ADCY1: variants seen among roughly 807,000 people sequenced by gnomAD.
The protein encoded by ADCY1 is adenylate cyclase type 1.
In ADCY1, 28 loss-of-function variants were observed where a neutral mutation model predicts 105.4. That is an observed-to-expected ratio of 0.27 (90% CI 0.20 to 0.36). The LOEUF is 0.36. ADCY1 is among the 10% of genes least tolerant of loss of function. The pLI is 1.00. For synonymous variants in ADCY1, 655 were observed against 623.8 expected (o/e 1.05, Z -0.75); for missense variants, 977 against 1,434.2 (o/e 0.68, Z 5.15).
intron 12 of ADCY1, among the ~76,000 whole-genome samples, chr7:45,685,614 A>G (rs2116209198): frequency 6.9e-6 from 1 of 145,122 alleles, no homozygotes; most frequent in East Asian, 2.1e-4. Flanking sequence ...AGCTGGGTGC[A>G]TGATTAACAG....
At chr7:45,588,864 C>CGTGTGTGT (rs1315374839) in intron 1 of ADCY1, among the ~76,000 whole-genome samples, 7 of 142,404 alleles carry the variant, frequency 4.9e-5, no homozygotes, top group African/African-American at 1.8e-4. Context: ...CCCATCATTG[C>CGTGTGTGT]GTGTATGTGT....
intron 14 of ADCY1, among the ~76,000 whole-genome samples, chr7:45,691,712 C>T (rs2116226026): frequency 6.6e-6 from 1 of 152,306 alleles, no homozygotes; most frequent in South Asian, 2.1e-4. Flanking sequence ...TATTTCTCTA[C>T]CAATAAACGC....
At position 45,721,475 on chromosome 7, in the gene ADCY1, T is replaced by C; in HGVS notation, c.*7480T>C. The C allele has an allele frequency of 2.5e-6, 1 of 393,634 alleles. No homozygotes were observed. 24.4% of individuals were successfully genotyped at this position (393,634 alleles called of 1,614,324 possible). ...TGTTGCCTTATTTTTTTGTAAAGCCTCTCTGACATCAAATGGGGAGAAATG... is the reference window on the plus strand; with the variant it reads ...TGTTGCCTTATTTTTTTGTAAAGCCCCTCTGACATCAAATGGGGAGAAATG... On this transcript the variant is annotated 3_prime_UTR_variant, in exon 20 of 20. Coordinates refer to ENST00000297323, the MANE Select transcript of ADCY1 (RefSeq NM_021116.4).
chr7:45,643,968 G>A lies in ADCY1; in HGVS notation c.1021-4702G>A, dbSNP rs190178518. ...GTGTCTGCAGAGTTCTTGTGTTTCA[G>A]CTCTTCTGCGCTATCTCTGTAGCAG... On this transcript the variant is annotated intron_variant, in intron 4 of 19. Coordinates refer to ENST00000297323, the MANE Select transcript of ADCY1 (RefSeq NM_021116.4). 1.1e-3 allele frequency among the ~76,000 whole-genome samples: 172 copies of A among 152,264 alleles called. 1 individual carries two copies. In the Middle Eastern group the frequency reaches 0.017, roughly 15 times the overall value.
At chr7:45,598,697 A>G (rs1178212354) in intron 2 of ADCY1, among the ~76,000 whole-genome samples, 1 of 152,362 alleles carries the variant, frequency 6.6e-6, no homozygotes, top group East Asian at 1.9e-4. Flanking sequence ...TTGATTCAGT[A>G]ATTTACAAGC....
chr7:45,609,713 A>G (rs1039918868), intron 2 of ADCY1, among the ~76,000 whole-genome samples: 1 of 152,168 alleles, frequency 6.6e-6, no homozygotes, highest in Admixed American at 6.5e-5. Context: ...GGGTCAGGGA[A>G]CATCCAACTG....
At chr7:45,614,634 C>T (rs1793688542) in intron 3 of ADCY1, among the ~76,000 whole-genome samples, 1 of 152,130 alleles carries the variant, frequency 6.6e-6, no homozygotes, top group Non-Finnish European at 1.5e-5. Context: ...CCAAGCCTAA[C>T]TATATGCTGT....
At chr7:45,694,375 T>A (rs1784842389) in intron 14 of ADCY1, among the ~76,000 whole-genome samples, 1 of 152,178 alleles carries the variant, frequency 6.6e-6, no homozygotes, top group African/African-American at 2.4e-5. Context: ...TAGTAACTTT[T>A]GGTTCAAAGA....
At chr7:45,611,904 A>G (rs1194010021) in intron 3 of ADCY1, among the ~76,000 whole-genome samples, 1 of 152,138 alleles carries the variant, frequency 6.6e-6, no homozygotes, top group Non-Finnish European at 1.5e-5. Flanking sequence ...GAAGACACAA[A>G]AGGTCAATAG....
intron 3 of ADCY1, 23 bp from the exon 4 acceptor site, chr7:45,622,609 C>A: frequency 6.3e-7 from 1 of 1,585,256 alleles, no homozygotes; most frequent in Non-Finnish European, 8.7e-7. Flanking sequence ...AGAAGGGCAG[C>A]CTGGCACCCC....
At chr7:45,646,390 G>A (rs568004872) in intron 4 of ADCY1, among the ~76,000 whole-genome samples, 3 of 152,334 alleles carry the variant, frequency 2.0e-5, no homozygotes, top group South Asian at 2.1e-4. Context: ...CAGCAACCAT[G>A]TGTCCAGGTC....
chr7:45,706,376 A>G (rs766429961), intron 17 of ADCY1, among the ~76,000 whole-genome samples: 2 of 152,126 alleles, frequency 1.3e-5, no homozygotes, highest in African/African-American at 2.4e-5. Flanking sequence ...TAGGGAGCCC[A>G]GAAATAGACC....
chr7:45,669,267 A>G (rs1156242554), intron 8 of ADCY1, among the ~76,000 whole-genome samples: 1 of 152,100 alleles, frequency 6.6e-6, no homozygotes, highest in Non-Finnish European at 1.5e-5. Context: ...GTGGACATTT[A>G]GTGCTATAAA....
At chr7:45,582,580 G>T (rs1454519951) in intron 1 of ADCY1, among the ~76,000 whole-genome samples, 1 of 149,808 alleles carries the variant, frequency 6.7e-6, no homozygotes, top group Non-Finnish European at 1.5e-5. Flanking sequence ...GGGGGGTGGG[G>T]GGTGGTGGGG....
chr7:45,657,384 C>T (rs553963846), intron 5 of ADCY1, among the ~76,000 whole-genome samples: 1 of 152,370 alleles, frequency 6.6e-6, no homozygotes, highest in East Asian at 1.9e-4. Flanking sequence ...ATGCCACACT[C>T]CACAGTAATG....
chr7:45,677,326 A>G (rs1216991405), intron 8 of ADCY1, among the ~76,000 whole-genome samples: 1 of 152,166 alleles, frequency 6.6e-6, no homozygotes, highest in Non-Finnish European at 1.5e-5. Context: ...AAGTGGTTTT[A>G]AATTAGACTC....
At chr7:45,660,405 T>G (rs1186986281) in intron 7 of ADCY1, among the ~76,000 whole-genome samples, 2 of 152,156 alleles carry the variant, frequency 1.3e-5, no homozygotes, top group Non-Finnish European at 2.9e-5. Flanking sequence ...TAGTCAGAGA[T>G]CTGGGATCAC....
intron 2 of ADCY1, among the ~76,000 whole-genome samples, chr7:45,595,906 A>T (rs550674770): frequency 6.6e-6 from 1 of 152,348 alleles, no homozygotes; most frequent in Admixed American, 6.5e-5. Context: ...GTCTGCCTAG[A>T]TGGGCTGGTA....
chr7:45,708,574 T>C lies in ADCY1; in HGVS notation c.2932+110T>C. 1 of 822,620 alleles carries C rather than the reference T, an allele frequency of 1.2e-6. No homozygotes were observed. The highest frequency in any genetic ancestry group is 2.0e-6 in the Non-Finnish European group (1 of 497,180). The allele number at this position is 822,620 out of a possible 1,614,324, so 51.0% of individuals were successfully genotyped here. A position where few individuals can be genotyped will look rare whatever the true frequency, so the allele number is the denominator to read the frequency against. ...CCTGGTCTTACAGGAAGGAGGGTGG[T>C]GCCACCCAGGAGGGCATGGGGACCT... On this transcript the variant is annotated intron_variant, in intron 18 of 19. Transcript: ENST00000297323. This position sits in a 1 kb window ranked among gnomAD's most constrained non-coding sequence, Gnocchi z 4.7.
Sources: allele counts gnomAD v4.1 joint callset (sites outside exome capture counted in the v4.1 genomes callset), GRCh38; gene constraint gnomAD v4.1.1; non-coding constraint Gnocchi (gnomAD v3.1); transcripts MANE v1.5; gene names NCBI Gene and HGNC (gene_info 2026-07-23, HGNC 2026-07-21).